Variants in DLGAP2 observed in about 807,000 individuals in gnomAD.
DLGAP2 encodes DLG associated protein 2, also known as disks large-associated protein 2.
In DLGAP2, 26 loss-of-function variants were observed where a neutral mutation model predicts 100.3. That is an observed-to-expected ratio of 0.26 (90% confidence interval 0.19 to 0.36). The LOEUF (loss-of-function observed/expected upper bound fraction) is 0.36, where lower values mean the gene tolerates loss of function less well. Among genes scored for constraint, DLGAP2 ranks in the 10% least tolerant of loss-of-function variants. The probability of loss-of-function intolerance (pLI) is 1.00; values close to 1 mark genes in which losing one functional copy is unlikely to be tolerated. For missense variants in DLGAP2, 1,858 were observed against 1,453.2 expected (o/e 1.28, Z -4.53); for synonymous variants, 886 against 630.1 (o/e 1.41, Z -6.08).
At chr8:1,155,951 GCGTC>G (rs1037558973) in intron 2 of DLGAP2, among the ~76,000 whole-genome samples, 1 of 152,190 alleles carries the variant, frequency 6.6e-6, no homozygotes, top group African/African-American at 2.4e-5. Flanking sequence ...GGCTGGGTGG[GCGTC>G]CCGTTCCTGC....
chr8:1,380,018 G>A (rs1433455510), intron 3 of DLGAP2, among the ~76,000 whole-genome samples: 1 of 151,994 alleles, frequency 6.6e-6, no homozygotes, highest in African/African-American at 2.4e-5. Flanking sequence ...CTCCATCCCA[G>A]CATCTGCACC....
chr8:1,232,849 T>G (rs1156583268), intron 2 of DLGAP2, among the ~76,000 whole-genome samples: 2 of 152,210 alleles, frequency 1.3e-5, no homozygotes, highest in African/African-American at 4.8e-5. Flanking sequence ...CCAGTGGCTT[T>G]TAGTGTGTTT....
intron 3 of DLGAP2, chr8:1,381,267 T>G (rs1373759925): frequency 6.6e-6 from 1 of 152,180 alleles, no homozygotes; most frequent in Non-Finnish European, 1.5e-5. Flanking sequence ...GAAAACAAGA[T>G]TCCATTGTTG....
chr8:1,415,466 C>T (rs370144586), intron 3 of DLGAP2, among the ~76,000 whole-genome samples: 5 of 148,458 alleles, frequency 3.4e-5, no homozygotes, highest in Non-Finnish European at 7.5e-5. Context: ...GCCCCTTTTT[C>T]CCTCCCCCTC....
At position 1,515,042 on chromosome 8, in the gene DLGAP2, C is replaced by T. The variant is rs186289106; in HGVS notation, c.172+13611C>T. ...GGAGACCGACGTGCAGGGAGACCAA[C>T]GTGCAGGGATACCGATCCCTGCAGG... On this transcript the variant is annotated intron_variant, in intron 4 of 14. Transcript: ENST00000637795. Among the ~76,000 whole-genome samples the T allele has an allele frequency of 5.1e-3, 776 of 151,798 alleles. 6 individuals are homozygous for T. The highest frequency in any genetic ancestry group is 8.1e-3 in the Admixed American group (124 of 15,254).
At chr8:809,773 G>C (rs1796337683) in intron 1 of DLGAP2, among the ~76,000 whole-genome samples, 1 of 152,160 alleles carries the variant, frequency 6.6e-6, no homozygotes, top group Non-Finnish European at 1.5e-5. Flanking sequence ...AGAGGAAAGG[G>C]AAGTGCTGCC....
intron 2 of DLGAP2, among the ~76,000 whole-genome samples, chr8:994,053 G>A (rs73176520): frequency 4.7e-4 from 71 of 152,160 alleles, no homozygotes; most frequent in African/African-American, 1.4e-3. Context: ...CAGGCGTTGC[G>A]TAGACAGTAC....
intron 1 of DLGAP2, among the ~76,000 whole-genome samples, chr8:853,164 T>C (rs898444791): frequency 2.0e-5 from 3 of 152,174 alleles, no homozygotes; most frequent in African/African-American, 7.2e-5. Context: ...CTGGGAGCAC[T>C]CCCAGGGCTC....
At chr8:1,153,330 C>T (rs190318687) in intron 2 of DLGAP2, among the ~76,000 whole-genome samples, 4 of 152,250 alleles carry the variant, frequency 2.6e-5, no homozygotes. Context: ...TCATAACTTG[C>T]CTACCTCAAG....
chr8:1,494,997 A>C (rs1337503904), intron 3 of DLGAP2, among the ~76,000 whole-genome samples: 1 of 152,196 alleles, frequency 6.6e-6, no homozygotes, highest in Non-Finnish European at 1.5e-5. Context: ...GCCTGTTGGC[A>C]AATGTACCTT....
chr8:1,364,516 C>T (rs907086947), intron 3 of DLGAP2, among the ~76,000 whole-genome samples: 9 of 146,032 alleles, frequency 6.2e-5, no homozygotes, highest in Middle Eastern at 3.5e-3. Flanking sequence ...GGGGGTGCAG[C>T]GAAGCAGACA....
At chr8:1,305,120 C>T (rs1177708581) in intron 3 of DLGAP2, among the ~76,000 whole-genome samples, 1 of 152,218 alleles carries the variant, frequency 6.6e-6, no homozygotes, top group Non-Finnish European at 1.5e-5. Context: ...TTGGAGTCAG[C>T]AGCCTGGGTA....
intron 2 of DLGAP2, among the ~76,000 whole-genome samples, chr8:1,197,763 C>T (rs1797784052): frequency 6.6e-6 from 1 of 152,216 alleles, no homozygotes; most frequent in Admixed American, 6.5e-5. Context: ...TGTTGAGGGT[C>T]TGGGCCACCA....
At chr8:1,434,462 G>C (rs924309246) in intron 3 of DLGAP2, among the ~76,000 whole-genome samples, 1 of 151,600 alleles carries the variant, frequency 6.6e-6, no homozygotes, top group African/African-American at 2.4e-5. Flanking sequence ...CCTCCCGGGA[G>C]TGTCAGCATT....
chr8:787,160 A>G (rs144469875), intron 1 of DLGAP2, among the ~76,000 whole-genome samples: 1 of 152,068 alleles, frequency 6.6e-6, no homozygotes, highest in Non-Finnish European at 1.5e-5. Flanking sequence ...CATTTATCCA[A>G]CTTGATGAAT....
chr8:1,415,688 A>G (rs936906554), intron 3 of DLGAP2, among the ~76,000 whole-genome samples: 1 of 152,212 alleles, frequency 6.6e-6, no homozygotes, highest in African/African-American at 2.4e-5. Flanking sequence ...TATAGGTAGC[A>G]CTGTCTCTTT....
rs537918324 is a variant in DLGAP2 at position 1,170,700 on chromosome 8, G to A, written c.74-88151G>A. ...GTGTTTGTAATATTCTCTGATGGTA[G>A]TTTGTATTTCTGTGGGATCGGTGGT... On this transcript the variant is annotated intron_variant, in intron 2 of 14. Coordinates refer to ENST00000637795, the MANE Select transcript of DLGAP2 (RefSeq NM_001346810.2). Among the ~76,000 whole-genome samples the A allele has an allele frequency of 3.7e-3, 554 of 148,556 alleles. 13 individuals carry two copies. The highest frequency in any genetic ancestry group is 8.4e-3 in the Admixed American group (124 of 14,796).
intron 2 of DLGAP2, among the ~76,000 whole-genome samples, chr8:1,120,401 C>G (rs1796010251): frequency 6.6e-6 from 1 of 152,200 alleles, no homozygotes; most frequent in African/African-American, 2.4e-5. Flanking sequence ...CTTCAGATAC[C>G]ATGACAGCTA....
chr8:1,679,594 C>T (rs1442179891), intron 12 of DLGAP2, among the ~76,000 whole-genome samples: 1 of 152,224 alleles, frequency 6.6e-6, no homozygotes, highest in Non-Finnish European at 1.5e-5. Context: ...GTCCCAGTCC[C>T]GTTGGTACTC....
Sources: gnomAD v4.1 joint callset for allele counts (sites outside exome capture counted in the v4.1 genomes callset) on GRCh38, gnomAD v4.1.1 for gene constraint, MANE v1.5 for transcripts, NCBI Gene and HGNC (gene_info 2026-07-23, HGNC 2026-07-21) for gene names.